The following SF3A1 variants were observed in gnomAD, a reference collection of about 807,000 sequenced individuals.
SF3A1 encodes the protein SAP 114.
Under a neutral mutation model 89.9 loss-of-function variants are expected in SF3A1, and 13 were observed. The observed-to-expected ratio is 0.14, with a 90% CI of 0.09 to 0.23. The LOEUF is 0.23. Among genes scored for constraint, SF3A1 ranks in the 10% least tolerant of loss-of-function variants. The pLI is 1.00. For synonymous variants in SF3A1, 405 were observed against 374.4 expected (o/e 1.08, Z -0.94); for missense variants, 604 against 1,022.1 (o/e 0.59, Z 5.58).
Position 30,342,208 on chromosome 22 carries a change from T to G in SF3A1, c.869A>C (p.Asn290Thr), listed in dbSNP as rs770722220. The G allele has an allele frequency of 6.2e-7, 1 of 1,614,062 alleles. No individual in the cohort carries two copies. Among genetic ancestry groups the G allele is most frequent in the Non-Finnish European group, 8.5e-7 (1 of 1,180,020 alleles). Reference protein sequence around the residue: ...VVVETVDFQPNEQGNFPPPTT... With the variant: ...VVVETVDFQPTEQGNFPPPTT... ...ACTCCTCACAGACCTACCTTGCTCA[T>G]TGGGTTGGAAGTCCACTGTTTCCAC... is the stretch of plus-strand genomic sequence containing the variant. The change falls in exon 6 of 16, where the codon AAT (asparagine) becomes ACT (threonine). Residue 290 changes from asparagine (N) to threonine (T), a missense_variant. Physicochemically the swap from Asn to Thr is moderately conservative, Grantham distance 65 (BLOSUM62 0). Transcript: ENST00000215793.
intron 2 of SF3A1, among the ~76,000 whole-genome samples, chr22:30,348,479 G>C (rs778843528): frequency 6.6e-5 from 10 of 152,174 alleles, no homozygotes; most frequent in Non-Finnish European, 1.3e-4. Flanking sequence ...TTTCACCTCT[G>C]AAAACAAAAA....
At position 30,341,569 on chromosome 22, in the gene SF3A1, TGTTCAGGACCCA is replaced by T; in HGVS notation, c.1071+111_1071+122del. 2.1e-5 allele frequency: 11 copies of T among 521,266 alleles called. 3 individuals are homozygous for T. Among genetic ancestry groups the T allele is most frequent in the South Asian group, 4.2e-5 (2 of 48,090 alleles). The allele number at this position is 521,266 out of a possible 1,614,324, so 32.3% of individuals were successfully genotyped here. A position where few individuals can be genotyped will look rare whatever the true frequency, so the allele number is the denominator to read the frequency against. ...CTGGACTTGGGCAGCTGTATGGCCT[TGTTCAGGACCCA>T]CGCCTCCTTTCAAGGCTCACAGGGG... is the stretch of plus-strand genomic sequence containing the variant. On this transcript the variant is annotated intron_variant, in intron 7 of 15. Coordinates refer to ENST00000215793, the MANE Select transcript of SF3A1 (RefSeq NM_005877.6).
At position 30,356,758 on chromosome 22, in the gene SF3A1, G is replaced by A; in HGVS notation, c.35C>T (p.Pro12Leu). ...PAGPVQAVPP[P>L]PPVPTEPKQP... ...TTTGGGCTCCGTGGGCACGGGCGGCGGCGGGGGCACCGCCTGCACGGGTCC... is the reference window on the plus strand; with the variant it reads ...TTTGGGCTCCGTGGGCACGGGCGGCAGCGGGGGCACCGCCTGCACGGGTCC... The change falls in exon 1 of 16, where the codon CCG (proline) becomes CTG (leucine). Residue 12 changes from proline (P) to leucine (L), a missense_variant. Coordinates refer to ENST00000215793, the MANE Select transcript of SF3A1 (RefSeq NM_005877.6). 3 of 1,485,378 alleles carry A rather than the reference G, an allele frequency of 2.0e-6. No homozygotes were observed. The highest frequency in any genetic ancestry group is 2.2e-5 in the Admixed American group (1 of 45,438). The allele number at this position is 1,485,378 out of a possible 1,614,324, so 92.0% of individuals were successfully genotyped here.
At position 30,342,303 on chromosome 22, in the gene SF3A1, C is replaced by T; in HGVS notation, c.774G>A (p.Lys258=). The T allele has an allele frequency of 6.2e-7, 1 of 1,614,044 alleles. No individual in the cohort carries two copies. The highest frequency in any genetic ancestry group is 8.5e-7 in the Non-Finnish European group (1 of 1,179,976). The change falls in exon 6 of 16, where the codon AAG becomes AAA. Residue 258 remains lysine, a synonymous_variant. Transcript: ENST00000215793. ...EWAKFQERER[K]KEEEEKEKER... ...CCTTCTCCTTCTCCTCTTCTTCCTT[C>T]TTCCTCTCACGTTCCTGGAATTTGG... is the stretch of plus-strand genomic sequence containing the variant.
rs1317016328 is a variant in SF3A1, at chr22:30,335,748, T to C, written c.2112A>G (p.Pro704=). The change falls in exon 14 of 16, where the codon CCA becomes CCG. Residue 704 remains proline (P), a synonymous_variant. Transcript: ENST00000215793. The part of the protein sequence containing the change: ...EEEFLRRNKG[P]VSIKVQVPNM... ...TGGGCACCTGGACTTTGATGGACACTGGACCCTACAAAACAGGAGGTGGTC... is the reference window on the plus strand; with the variant it reads ...TGGGCACCTGGACTTTGATGGACACCGGACCCTACAAAACAGGAGGTGGTC... 1.9e-6 allele frequency: 3 copies of C among 1,613,864 alleles called. No homozygotes were observed. The highest frequency in any genetic ancestry group is 1.3e-5 in the African/African-American group (1 of 74,922).
At chr22:30,345,987 C>T (rs1931406416) in intron 3 of SF3A1, among the ~76,000 whole-genome samples, 1 of 152,110 alleles carries the variant, frequency 6.6e-6, no homozygotes, top group Admixed American at 6.5e-5. Flanking sequence ...CCTCACATCA[C>T]GGCACTGCCC....
At chr22:30,341,092 G>T (rs1239620600) in intron 7 of SF3A1, among the ~76,000 whole-genome samples, 2 of 152,064 alleles carry the variant, frequency 1.3e-5, no homozygotes, top group South Asian at 4.1e-4. Context: ...AACATGCCGG[G>T]GGGGGACAGT....
At chr22:30,351,654 C>T (rs986324866) in intron 2 of SF3A1, among the ~76,000 whole-genome samples, 5 of 152,184 alleles carry the variant, frequency 3.3e-5, no homozygotes, top group Admixed American at 6.5e-5. Flanking sequence ...GCCCATGCCA[C>T]CACAGCCAGA....
At chr22:30,340,846 G>GT in intron 7 of SF3A1, 34 bp from the exon 8 acceptor site, 1 of 1,240,812 alleles carries the variant, frequency 8.1e-7, no homozygotes, top group Non-Finnish European at 1.2e-6. Flanking sequence ...ACTCAGAGAG[G>GT]GGCTGAGGCC....
intron 13 of SF3A1, among the ~76,000 whole-genome samples, chr22:30,336,361 A>G (rs1024210235): frequency 2.6e-5 from 4 of 152,156 alleles, no homozygotes; most frequent in African/African-American, 9.7e-5. Context: ...CTACTAAAAT[A>G]CTAAAAATAC....
chr22:30,334,321 C>T lies in SF3A1; in HGVS notation c.*273G>A. 5 of 310,156 alleles carry T rather than the reference C, an allele frequency of 1.6e-5. No individual in the cohort carries two copies. Among genetic ancestry groups the T allele is most frequent in the South Asian group, 1.6e-4 (3 of 19,212 alleles). 19.2% of individuals were successfully genotyped at this position (310,156 alleles called of 1,614,324 possible). ...TAGGACATCCCTGGGCTCTCAGTTG[C>T]TAATGGGCTGCTGAAGAAATGAATG... On this transcript the variant is annotated 3_prime_UTR_variant, in exon 16 of 16. Transcript: ENST00000215793.
rs1569168280 is a variant in SF3A1, at chr22:30,332,482, A to G, written c.*2112T>C. On this transcript the variant is annotated 3_prime_UTR_variant, in exon 16 of 16. Transcript: ENST00000215793. ...AAGGGATGAGCTGCTTTGGCTTTCC[A>G]GAGCACTCACTGGCTACATGACCTT... is the stretch of plus-strand genomic sequence containing the variant. 6.6e-6 allele frequency: 1 copy of G among 152,284 alleles called. No individual in the cohort carries two copies. Among genetic ancestry groups the G allele is most frequent in the Non-Finnish European group, 1.5e-5 (1 of 68,050 alleles). The allele number at this position is 152,284 out of a possible 1,614,324, so 9.4% of individuals were successfully genotyped here. A position where few individuals can be genotyped will look rare whatever the true frequency, so the allele number is the denominator to read the frequency against.
chr22:30,355,815 T>TCCCCCCCCCCCCC (rs11451197), intron 1 of SF3A1, among the ~76,000 whole-genome samples: 4 of 92,280 alleles, frequency 4.3e-5, no homozygotes, highest in East Asian at 3.9e-4. Context: ...TCAGTCATGT[T>TCCCCCCCCCCCCC]CCCCCCCCCC....
chr22:30,340,139 A>T (rs1343066361), intron 9 of SF3A1, 57 bp downstream of exon 9: 1 of 1,380,228 alleles, frequency 7.2e-7, no homozygotes, highest in African/African-American at 1.5e-5. Flanking sequence ...GTTTGCTTAG[A>T]AGAAGATGGC....
intron 7 of SF3A1, 114 bp downstream of exon 7, chr22:30,341,578 C>G (rs1247232004): frequency 1.6e-6 from 1 of 607,584 alleles, no homozygotes; most frequent in Non-Finnish European, 2.7e-6. Flanking sequence ...TTGTTCAGGA[C>G]CCACGCCTCC....
intron 2 of SF3A1, among the ~76,000 whole-genome samples, chr22:30,348,456 C>T (rs942399597): frequency 6.6e-6 from 1 of 152,170 alleles, no homozygotes; most frequent in Non-Finnish European, 1.5e-5. Flanking sequence ...CAAGCCTGGG[C>T]AACAAAATGA....
chr22:30,342,482 G>A, intron 5 of SF3A1, 132 bp from the exon 6 acceptor site: 2 of 1,045,316 alleles, frequency 1.9e-6, no homozygotes, highest in East Asian at 2.6e-5. Context: ...CCAAACTATG[G>A]CATTTGCACC....
Position 30,356,784 on chromosome 22 carries a change from G to T in SF3A1, c.9C>A (p.Ala3=). 7.0e-7 allele frequency: 1 copy of T among 1,426,380 alleles called. No individual in the cohort carries two copies. Among genetic ancestry groups the T allele is most frequent in the Non-Finnish European group, 9.2e-7 (1 of 1,081,152 alleles). 88.4% of individuals were successfully genotyped at this position (1,426,380 alleles called of 1,614,324 possible). The part of the protein sequence containing the change: MP[A]GPVQAVPPPP... ...GCGGGGGCACCGCCTGCACGGGTCC[G>T]GCCGGCATGACTGCGACGCTCAGGG... The change falls in exon 1 of 16, where the codon GCC becomes GCA. Residue 3 remains alanine, a synonymous_variant. Coordinates refer to ENST00000215793, the MANE Select transcript of SF3A1 (RefSeq NM_005877.6).
chr22:30,349,119 T>C (rs1392953025), intron 2 of SF3A1, among the ~76,000 whole-genome samples: 1 of 152,212 alleles, frequency 6.6e-6, no homozygotes, highest in Non-Finnish European at 1.5e-5. Context: ...AGGCCTAACC[T>C]AGCGAAAAAA....
Sources: allele counts gnomAD v4.1 joint callset (sites outside exome capture counted in the v4.1 genomes callset), GRCh38; gene constraint gnomAD v4.1.1; transcripts MANE v1.5; gene names NCBI Gene and HGNC (gene_info 2026-07-23, HGNC 2026-07-21).